Variants in OR9Q1 observed in about 807,000 individuals in gnomAD.
OR9Q1 encodes olfactory receptor 9Q1.
For missense variants in OR9Q1, 374 were observed against 378.8 expected, an observed-to-expected ratio of 0.99 and a Z score of 0.11; for synonymous variants, 153 against 148.6, an observed-to-expected ratio of 1.03 and a Z score of -0.22.
At chr11:58,110,624 CA>C (rs1366598764) in intron 2 of OR9Q1, among the ~76,000 whole-genome samples, 1 of 152,130 alleles carries the variant, frequency 6.6e-6, no homozygotes, top group Non-Finnish European at 1.5e-5. Context: ...GTGCTGAAGC[CA>C]AGATTTAAAC....
intron 2 of OR9Q1, among the ~76,000 whole-genome samples, chr11:58,107,928 A>G (rs1041488680): frequency 5.9e-5 from 9 of 152,186 alleles, no homozygotes; most frequent in African/African-American, 2.2e-4. Flanking sequence ...AGTAGTATCA[A>G]TTGAGACTAC....
At chr11:58,130,681 G>T (rs1296414245) in intron 2 of OR9Q1, among the ~76,000 whole-genome samples, 1 of 152,022 alleles carries the variant, frequency 6.6e-6, no homozygotes, top group Non-Finnish European at 1.5e-5. Context: ...AATTAGCCAG[G>T]TGTGGTGGTA....
chr11:58,029,381 G>C (rs1030579626), intron 1 of OR9Q1, among the ~76,000 whole-genome samples: 1 of 152,122 alleles, frequency 6.6e-6, no homozygotes, highest in African/African-American at 2.4e-5. Context: ...GAGGAAACTG[G>C]GGTTTCCAAG....
chr11:58,130,101 G>T lies in OR9Q1; in HGVS notation c.-14-49330G>T, dbSNP rs145480565. Among the ~76,000 whole-genome samples the T allele has an allele frequency of 5.7e-3, 862 of 152,144 alleles. 24 individuals carry two copies. Among genetic ancestry groups the T allele is most frequent in the Admixed American group, 0.048 (735 of 15,282 alleles). On this transcript the variant is annotated intron_variant, in intron 2 of 2. Transcript: ENST00000335397. ...CCTCGAGTCTGCCTTGTTCACTGCT[G>T]CATCTGTAGGGCCTAGAACAGCTCT...
At chr11:58,150,534 C>T (rs138413277) in intron 2 of OR9Q1, among the ~76,000 whole-genome samples, 2 of 152,286 alleles carry the variant, frequency 1.3e-5, no homozygotes, top group African/African-American at 4.8e-5. Flanking sequence ...AACGATGGAT[C>T]ACACATCAAT....
intron 2 of OR9Q1, chr11:58,109,809 A>T (rs923142450): frequency 5.8e-6 from 2 of 347,306 alleles, no homozygotes; most frequent in South Asian, 2.3e-5. Context: ...TTGAGTCCAC[A>T]ACTGGCAGTT....
chr11:58,139,948 G>T (rs1001646103), intron 2 of OR9Q1, among the ~76,000 whole-genome samples: 1 of 125,684 alleles, frequency 8.0e-6, no homozygotes, highest in Middle Eastern at 3.7e-3. Context: ...AGCACCTGTT[G>T]TTTCCTGACT....
At chr11:58,060,056 T>C (rs765673138) in intron 2 of OR9Q1, 6 of 152,356 alleles carry the variant, frequency 3.9e-5, no homozygotes, top group Non-Finnish European at 7.3e-5. Context: ...AGACTTGGGG[T>C]AGGGGGAAAG....
intron 2 of OR9Q1, among the ~76,000 whole-genome samples, chr11:58,155,298 C>T (rs1359271369): frequency 6.6e-6 from 1 of 152,160 alleles, no homozygotes; most frequent in Non-Finnish European, 1.5e-5. Flanking sequence ...TCAAAGTCAA[C>T]TGATTTAAAT....
chr11:58,031,593 C>T, intron 1 of OR9Q1: 7 of 1,614,054 alleles, frequency 4.3e-6, no homozygotes, highest in Non-Finnish European at 5.9e-6. Context: ...CTACTGGCCT[C>T]CTCTATGGTC....
At chr11:58,056,958 C>T (rs1436656142) in intron 2 of OR9Q1, among the ~76,000 whole-genome samples, 1 of 149,744 alleles carries the variant, frequency 6.7e-6, no homozygotes, top group Non-Finnish European at 1.5e-5. Context: ...TACCCACTTT[C>T]CTAAGGCTTC....
At chr11:58,075,268 CCT>C (rs1853528687) in intron 2 of OR9Q1, 1 of 152,156 alleles carries the variant, frequency 6.6e-6, no homozygotes, top group South Asian at 2.1e-4. Context: ...TTGTTTGTGT[CCT>C]CTGTCATTTC....
chr11:58,149,506 A>T (rs1239103232), intron 2 of OR9Q1, among the ~76,000 whole-genome samples: 3 of 152,202 alleles, frequency 2.0e-5, no homozygotes, highest in Non-Finnish European at 4.4e-5. Context: ...GTAAGTACAC[A>T]GTTTGGTGGC....
intron 1 of OR9Q1, among the ~76,000 whole-genome samples, chr11:58,053,747 T>C (rs931686008): frequency 1.4e-5 from 2 of 146,148 alleles, no homozygotes; most frequent in South Asian, 4.3e-4. Flanking sequence ...TAACTCTTCA[T>C]GGCTGAGACA....
chr11:58,136,402 G>C lies in OR9Q1; in HGVS notation c.-14-43029G>C, dbSNP rs143930043. On this transcript the variant is annotated intron_variant, in intron 2 of 2. Transcript: ENST00000335397. ...TTGTAGGTTTTCAAAACAGGAAACT[G>C]TTGCTTCAGTCTTCTATTCATTTTC... Among the ~76,000 whole-genome samples the C allele has an allele frequency of 1.9e-4, 29 of 152,260 alleles. No homozygotes were observed. In the East Asian group the frequency reaches 4.1e-3, roughly 21 times the overall value.
chr11:58,170,751 T>C (rs1854546888), intron 2 of OR9Q1, among the ~76,000 whole-genome samples: 1 of 152,160 alleles, frequency 6.6e-6, no homozygotes, highest in South Asian at 2.1e-4. Flanking sequence ...TCTGCCACCA[T>C]GTAAGATGTG....
intron 2 of OR9Q1, among the ~76,000 whole-genome samples, chr11:58,163,993 A>G (rs1854478409): frequency 6.6e-6 from 1 of 152,186 alleles, no homozygotes; most frequent in Non-Finnish European, 1.5e-5. Flanking sequence ...CTATTTGCAT[A>G]TAAATAATCC....
rs559571414 is a variant in OR9Q1, at chr11:58,180,569, T to A, written c.*192T>A. 2 of 436,776 alleles carry A rather than the reference T, an allele frequency of 4.6e-6. No individual in the cohort carries two copies. The highest frequency in any genetic ancestry group is 6.7e-5 in the East Asian group (2 of 29,890). The allele number at this position is 436,776 out of a possible 1,614,324, so 27.1% of individuals were successfully genotyped here. ...AAGTCAACCTGAAAAGAGATTGGAG[T>A]GGGAGTTTTGATTCCCAGGACAAGT... On this transcript the variant is annotated 3_prime_UTR_variant, in exon 3 of 3. Transcript: ENST00000335397.
Position 58,179,012 on chromosome 11 carries a change from AAGAG to A in OR9Q1, c.-14-397_-14-394del, listed in dbSNP as rs71061582. 5.6e-3 allele frequency among the ~76,000 whole-genome samples: 748 copies of A among 132,462 alleles called. 9 individuals are homozygous for A. Among genetic ancestry groups the A allele is most frequent in the African/African-American group, 0.02 (697 of 35,496 alleles). 86.9% of individuals were successfully genotyped at this position (132,462 alleles called of 152,430 possible). A position where few individuals can be genotyped will look rare whatever the true frequency, so the allele number is the denominator to read the frequency against. Reference sequence around the variant, plus strand: ...ATAGAGAGAGAGAGAGAAAGAAAGAAAGAGAGAGAGAGAGAGAGAGAGAGACAGG... The same window carrying A: ...ATAGAGAGAGAGAGAGAAAGAAAGAAAGAGAGAGAGAGAGAGAGAGACAGG... On this transcript the variant is annotated intron_variant, in intron 2 of 2. Coordinates refer to ENST00000335397, the MANE Select transcript of OR9Q1 (RefSeq NM_001005212.4).
Sources: allele counts gnomAD v4.1 joint callset (sites outside exome capture counted in the v4.1 genomes callset), GRCh38; gene constraint gnomAD v4.1.1; transcripts MANE v1.5; gene names NCBI Gene and HGNC (gene_info 2026-07-23, HGNC 2026-07-21).